ARID5B: variants seen among roughly 807,000 people sequenced by gnomAD.
ARID5B encodes AT-rich interaction domain 5B.
Under a neutral mutation model 97.2 loss-of-function variants are expected in ARID5B, and 13 were observed. That is an observed-to-expected ratio of 0.13 (90% CI 0.09 to 0.21). The LOEUF (loss-of-function observed/expected upper bound fraction) is 0.21. Among genes scored for constraint, ARID5B ranks in the 10% least tolerant of loss-of-function variants. The pLI, the probability that ARID5B is intolerant of heterozygous loss-of-function variation, is 1.00. For synonymous variants in ARID5B, 556 were observed against 570.3 expected (o/e 0.97, Z 0.36); for missense variants, 1,210 against 1,465.3 (o/e 0.83, Z 2.84).
intron 2 of ARID5B, among the ~76,000 whole-genome samples, chr10:61,938,539 A>G (rs564086434): frequency 7.2e-5 from 11 of 152,310 alleles, no homozygotes; most frequent in Non-Finnish European, 1.5e-4. Flanking sequence ...TGAAATAGCT[A>G]TAAAATGCAT....
In ARID5B at chr10:61,910,733, G is replaced by A. The variant is rs113875199; in HGVS notation, c.276+8320G>A. Among the ~76,000 whole-genome samples, 24 of 152,296 alleles carry A rather than the reference G, an allele frequency of 1.6e-4. 1 individual carries two copies. Among genetic ancestry groups the A allele is most frequent in the African/African-American group, 5.1e-4 (21 of 41,550 alleles). ...ATCATGCTAATGGCATCAATCTCTC[G>A]CACACACTTGGGTAAATTAATTCTG... On this transcript the variant is annotated intron_variant, in intron 2 of 9. Coordinates refer to ENST00000279873, the MANE Select transcript of ARID5B (RefSeq NM_032199.3).
intron 4 of ARID5B, among the ~76,000 whole-genome samples, chr10:62,020,844 C>G (rs532875960): frequency 6.6e-6 from 1 of 151,336 alleles, no homozygotes; most frequent in Non-Finnish European, 1.5e-5. Flanking sequence ...GTGAAAGGAG[C>G]GGTTATTGGG....
At chr10:61,972,524 C>T (rs754033091) in intron 3 of ARID5B, among the ~76,000 whole-genome samples, 2 of 152,100 alleles carry the variant, frequency 1.3e-5, no homozygotes, top group African/African-American at 4.8e-5. Context: ...CCACCACTCC[C>T]GGCCTGTATC....
intron 3 of ARID5B, among the ~76,000 whole-genome samples, chr10:61,954,133 G>A (rs1838359565): frequency 1.3e-5 from 2 of 152,036 alleles, no homozygotes; most frequent in Admixed American, 6.6e-5. Context: ...CTGAGGTGGT[G>A]GATCACCTGA....
At position 61,977,870 on chromosome 10, in the gene ARID5B, C is replaced by A. The variant is rs184066870; in HGVS notation, c.503-22221C>A. ...CAGAAACTCTTTAGTTTAATTAGAT[C>A]GCATTTGTCAATTTAGGCTTTTGTT... is the stretch of plus-strand genomic sequence containing the variant. On this transcript the variant is annotated intron_variant, in intron 3 of 9. Transcript: ENST00000279873. Among the ~76,000 whole-genome samples the A allele has an allele frequency of 3.9e-3, 597 of 152,262 alleles. 3 individuals are homozygous for A. Among genetic ancestry groups the A allele is most frequent in the Middle Eastern group, 6.8e-3 (2 of 294 alleles).
chr10:62,026,046 G>A (rs1477016981), intron 4 of ARID5B, among the ~76,000 whole-genome samples: 2 of 152,230 alleles, frequency 1.3e-5, no homozygotes, highest in African/African-American at 2.4e-5. Context: ...TTTCTAATAA[G>A]GTGGTGATAC....
In ARID5B at chr10:61,936,196, G is replaced by A. The variant is rs142211067; in HGVS notation, c.277-3987G>A. 2.0e-5 allele frequency among the ~76,000 whole-genome samples: 3 copies of A among 152,250 alleles called. No homozygotes were observed. The East Asian group carries it at 5.8e-4, about 29-fold the overall frequency. ...CACATGTTCCCTGTGTTTACTTAAT[G>A]CCTATGTTCAAATTGGCCCTTTTTT... On this transcript the variant is annotated intron_variant, in intron 2 of 9. Transcript: ENST00000279873.
At chr10:61,980,817 G>A (rs1838766851) in intron 3 of ARID5B, among the ~76,000 whole-genome samples, 1 of 152,172 alleles carries the variant, frequency 6.6e-6, no homozygotes, top group Non-Finnish European at 1.5e-5. Context: ...GAACAGGAAT[G>A]GAGAGGAACA....
chr10:61,992,091 G>C (rs1431443778), intron 3 of ARID5B, among the ~76,000 whole-genome samples: 2 of 151,992 alleles, frequency 1.3e-5, no homozygotes, highest in Non-Finnish European at 1.5e-5. Context: ...TGACGGGGAA[G>C]CAAGTTAAGG....
At chr10:62,049,350 G>T in intron 4 of ARID5B, 1 of 1,536,770 alleles carries the variant, frequency 6.5e-7, no homozygotes, top group Non-Finnish European at 8.8e-7. Context: ...GCTGAGCCTC[G>T]CAGCTCGCAT....
intron 3 of ARID5B, among the ~76,000 whole-genome samples, chr10:61,945,506 T>G (rs913607342): frequency 6.6e-6 from 1 of 152,200 alleles, no homozygotes; most frequent in Non-Finnish European, 1.5e-5. Context: ...ATTTTATGTG[T>G]ATATTAAAGA....
chr10:61,901,778 C>T, intron 1 of ARID5B, 48 bp downstream of exon 1: 1 of 1,573,766 alleles, frequency 6.4e-7, no homozygotes. Context: ...CCCCGGCACC[C>T]CCCAACCCCC....
At chr10:62,059,884 G>A (rs915407795) in intron 7 of ARID5B, among the ~76,000 whole-genome samples, 11 of 152,074 alleles carry the variant, frequency 7.2e-5, no homozygotes, top group African/African-American at 2.7e-4. Context: ...AAATTTGATG[G>A]CCACGGATTT....
intron 4 of ARID5B, among the ~76,000 whole-genome samples, chr10:62,028,303 C>G (rs187227611): frequency 2.0e-5 from 3 of 152,292 alleles, no homozygotes; most frequent in East Asian, 3.9e-4. Flanking sequence ...AGCAGTTACG[C>G]AAGTACAAAA....
intron 2 of ARID5B, among the ~76,000 whole-genome samples, chr10:61,925,593 G>A (rs1254126054): frequency 6.6e-6 from 1 of 152,086 alleles, no homozygotes; most frequent in Non-Finnish European, 1.5e-5. Flanking sequence ...TAGGACACTG[G>A]GATGCAATTT....
Position 61,972,078 on chromosome 10 carries a change from A to G in ARID5B, c.503-28013A>G, listed in dbSNP as rs569470879. ...TCCATGTTTATCATAAGACAATACA[A>G]AGAAACAGAAAGAAAAAAATTATCC... On this transcript the variant is annotated intron_variant, in intron 3 of 9. Transcript: ENST00000279873. Among the ~76,000 whole-genome samples the G allele has an allele frequency of 2.0e-5, 3 of 152,284 alleles. No individual in the cohort carries two copies. The South Asian group carries it at 6.2e-4, about 32-fold the overall frequency.
chr10:61,936,639 A>T (rs927515194), intron 2 of ARID5B, among the ~76,000 whole-genome samples: 2 of 152,184 alleles, frequency 1.3e-5, no homozygotes, highest in South Asian at 2.1e-4. Context: ...TAATTTAATT[A>T]AATTAAAAGT....
intron 2 of ARID5B, among the ~76,000 whole-genome samples, chr10:61,923,335 C>T (rs1407715408): frequency 2.6e-5 from 4 of 152,120 alleles, no homozygotes; most frequent in Admixed American, 6.5e-5. Flanking sequence ...CAGTCATCCC[C>T]GCTTCCACCC....
chr10:62,055,138 G>T (rs373559704), intron 5 of ARID5B, among the ~76,000 whole-genome samples: 1 of 152,164 alleles, frequency 6.6e-6, no homozygotes, highest in South Asian at 2.1e-4. Context: ...TAAGTGGTAG[G>T]TTTCGTAATG....
Sources: allele counts gnomAD v4.1 joint callset (sites outside exome capture counted in the v4.1 genomes callset), GRCh38; gene constraint gnomAD v4.1.1; transcripts MANE v1.5; gene names NCBI Gene and HGNC (gene_info 2026-07-23, HGNC 2026-07-21).